The following TTC34 variants were observed in gnomAD, a reference collection of about 807,000 sequenced individuals.
TTC34 encodes tetratricopeptide repeat protein 34.
Under a neutral mutation model 40.7 loss-of-function variants are expected in TTC34, and 44 were observed. The ratio of observed to expected loss-of-function variants is 1.08; its 90% CI spans 0.85 to 1.39. The LOEUF (loss-of-function observed/expected upper bound fraction) is 1.39. Among genes scored for constraint, TTC34 ranks in the 40% most tolerant of loss-of-function variants. TTC34 has a pLI of 0.00. For synonymous variants in TTC34, 422 were observed against 398.6 expected (o/e 1.06, Z -0.70); for missense variants, 884 against 838.0 (o/e 1.05, Z -0.68).
intron 2 of TTC34, among the ~76,000 whole-genome samples, chr1:2,794,941 A>G (rs1410924149): frequency 6.6e-6 from 1 of 152,162 alleles, no homozygotes; most frequent in Non-Finnish European, 1.5e-5. Flanking sequence ...ATTTGACGAA[A>G]TGTTGGCTAA....
At chr1:2,779,424 A>G (rs988899674) in intron 6 of TTC34, among the ~76,000 whole-genome samples, 8 of 152,086 alleles carry the variant, frequency 5.3e-5, no homozygotes, top group South Asian at 2.1e-4. Flanking sequence ...CCCGGGTTCA[A>G]GCGATTCTCC....
intron 6 of TTC34, among the ~76,000 whole-genome samples, chr1:2,771,715 T>C (rs1383656126): frequency 2.7e-3 from 117 of 43,808 alleles, no homozygotes; most frequent in Admixed American, 3.2e-3. Context: ...CCTGGGGCAG[T>C]GCCCACAGCC....
chr1:2,656,197 C>G (rs1639337886), intron 6 of TTC34, among the ~76,000 whole-genome samples: 1 of 151,930 alleles, frequency 6.6e-6, no homozygotes, highest in African/African-American at 2.4e-5. Flanking sequence ...CTCTGACAGC[C>G]TGGAACAGCA....
At chr1:2,697,440 C>A (rs1640918794) in intron 6 of TTC34, among the ~76,000 whole-genome samples, 1 of 152,054 alleles carries the variant, frequency 6.6e-6, no homozygotes, top group African/African-American at 2.4e-5. Context: ...GAACAGCACC[C>A]ATACGCCCAG....
chr1:2,773,029 C>A (rs1642524570), intron 6 of TTC34, among the ~76,000 whole-genome samples: 3 of 147,642 alleles, frequency 2.0e-5, no homozygotes, highest in Admixed American at 6.8e-5. Flanking sequence ...CCCAGGCGAG[C>A]ATCTGACAGC....
chr1:2,790,338 G>T (rs913425471), exon 3 of TTC34: 1 of 398,472 alleles, frequency 2.5e-6, no homozygotes, highest in Non-Finnish European at 4.4e-6. Context: ...AGGGCGGCTC[G>T]GCGCTCACCT....
intron 6 of TTC34, among the ~76,000 whole-genome samples, chr1:2,751,766 C>A (rs1387373665): frequency 3.8e-3 from 217 of 56,818 alleles, no homozygotes; most frequent in Non-Finnish European, 5.9e-3. Context: ...CAGCACCCCA[C>A]ACCCACAGGT....
At chr1:2,685,237 A>G (rs1239178880) in intron 6 of TTC34, among the ~76,000 whole-genome samples, 1 of 26,472 alleles carries the variant, frequency 3.8e-5, no homozygotes, top group Non-Finnish European at 8.8e-5. Flanking sequence ...CAGCACCCAC[A>G]CCCCAGGTGA....
At chr1:2,787,519 G>T in exon 4 of TTC34, 1 of 1,520,666 alleles carries the variant, frequency 6.6e-7, no homozygotes, top group Non-Finnish European at 8.9e-7. Flanking sequence ...CTCAGCTGCA[G>T]CAGGGCCAGT....
At chr1:2,643,655 G>T (rs921732708) in intron 8 of TTC34, among the ~76,000 whole-genome samples, 2 of 152,188 alleles carry the variant, frequency 1.3e-5, no homozygotes, top group Non-Finnish European at 1.5e-5. Flanking sequence ...TTCAGCTCGG[G>T]GGGGGCAGCG....
Position 2,787,502 on chromosome 1 carries a change from G to GC in TTC34, c.1832dup (p.Phe612LeufsTer4). ...TCACCTGGTTGGCGTCATAGAAGAA[G>GC]CCCCTCCTCAGCTGCAGCAGGGCCA... On this transcript the variant is annotated frameshift_variant, in exon 4 of 9. Transcript: ENST00000401095. LOFTEE classifies it high-confidence loss of function. 2.0e-6 allele frequency: 3 copies of GC among 1,500,522 alleles called. No individual in the cohort carries two copies. Among genetic ancestry groups the GC allele is most frequent in the Non-Finnish European group, 2.7e-6 (3 of 1,118,408 alleles). The allele number at this position is 1,500,522 out of a possible 1,614,324, so 93.0% of individuals were successfully genotyped here. A position where few individuals can be genotyped will look rare whatever the true frequency, so the allele number is the denominator to read the frequency against.
chr1:2,685,864 G>A (rs534910160), intron 6 of TTC34, among the ~76,000 whole-genome samples: 3,645 of 22,818 alleles, frequency 0.16, 10 homozygotes, highest in African/African-American at 0.22. Flanking sequence ...TGACAGCCTG[G>A]AACAGCACCC....
intron 5 of TTC34, among the ~76,000 whole-genome samples, chr1:2,785,526 T>C (rs1254447948): frequency 6.6e-6 from 1 of 152,090 alleles, no homozygotes; most frequent in Non-Finnish European, 1.5e-5. Context: ...AAGGGGCCCT[T>C]CTCCCCTCAG....
intron 6 of TTC34, among the ~76,000 whole-genome samples, chr1:2,752,706 T>A (rs1224196963): frequency 2.2e-5 from 3 of 138,418 alleles, no homozygotes; most frequent in Non-Finnish European, 4.6e-5. Context: ...CAGATGAGCA[T>A]CTGACAGCAT....
intron 6 of TTC34, among the ~76,000 whole-genome samples, chr1:2,771,617 G>T (rs4601526): frequency 0.014 from 461 of 32,096 alleles, 9 homozygotes; most frequent in African/African-American, 0.059. Context: ...CAAGTGAGCA[G>T]GTGACAGCCT....
intron 6 of TTC34, among the ~76,000 whole-genome samples, chr1:2,750,011 G>A (rs1472434692): frequency 9.7e-6 from 1 of 103,226 alleles, no homozygotes; most frequent in Non-Finnish European, 1.8e-5. Flanking sequence ...ACATCCCCAG[G>A]CGAGCATCCG....
intron 6 of TTC34, among the ~76,000 whole-genome samples, chr1:2,687,183 A>T (rs1206214847): frequency 1.1e-5 from 1 of 89,950 alleles, no homozygotes; most frequent in Non-Finnish European, 2.1e-5. Flanking sequence ...GAGCATCTGA[A>T]CCCACGGAGC....
At chr1:2,688,753 C>G (rs112788031) in intron 6 of TTC34, among the ~76,000 whole-genome samples, 20 of 109,898 alleles carry the variant, frequency 1.8e-4, no homozygotes, top group East Asian at 5.6e-4. Context: ...GATCTGACCG[C>G]CTGGAACAGC....
intron 6 of TTC34, among the ~76,000 whole-genome samples, chr1:2,687,901 C>A (rs1243594872): frequency 6.6e-6 from 1 of 151,384 alleles, no homozygotes; most frequent in Non-Finnish European, 1.5e-5. Flanking sequence ...AGGTGAGCAT[C>A]TGACAGACTG....
Sources: gnomAD v4.1 joint callset for allele counts (sites outside exome capture counted in the v4.1 genomes callset) on GRCh38, gnomAD v4.1.1 for gene constraint, MANE v1.5 for transcripts, NCBI Gene and HGNC (gene_info 2026-07-23, HGNC 2026-07-21) for gene names.